SNX6: variants seen among roughly 807,000 people sequenced by gnomAD.
SNX6 encodes sorting nexin-6.
Under a neutral mutation model 63.0 loss-of-function variants are expected in SNX6, and 34 were observed. The ratio of observed to expected loss-of-function variants is 0.54; its 90% confidence interval spans 0.41 to 0.72. SNX6 has a LOEUF of 0.72. Ranked by LOEUF, SNX6 falls within the 30% of genes least tolerant of loss-of-function variation. The pLI is 0.00. For missense variants in SNX6, 398 were observed against 471.4 expected (o/e 0.84, Z 1.44); for synonymous variants, 170 against 164.2 (o/e 1.04, Z -0.27).
intron 6 of SNX6, 36 bp from the exon 7 acceptor site, chr14:34,597,681 A>G (rs1440209489): frequency 1.4e-5 from 17 of 1,256,212 alleles, no homozygotes; most frequent in Middle Eastern, 1.9e-4. Flanking sequence ...TTAAGGTTAC[A>G]AATGGAAAGC....
intron 6 of SNX6, among the ~76,000 whole-genome samples, chr14:34,597,935 G>A (rs1882665786): frequency 6.6e-6 from 1 of 152,142 alleles, no homozygotes; most frequent in Non-Finnish European, 1.5e-5. Flanking sequence ...GTTGCAAGCA[G>A]CCCTCTCACC....
At chr14:34,579,442 C>G (rs1367192175) in intron 10 of SNX6, among the ~76,000 whole-genome samples, 1 of 151,872 alleles carries the variant, frequency 6.6e-6, no homozygotes, top group Admixed American at 6.6e-5. Context: ...TGTAGTGAGA[C>G]TCCCTCTCTA....
chr14:34,567,913 T>G lies in SNX6; in HGVS notation c.1022A>C (p.Glu341Ala), dbSNP rs1475950226. 6.2e-7 allele frequency: 1 copy of G among 1,613,974 alleles called. No homozygotes were observed. Among genetic ancestry groups the G allele is most frequent in the South Asian group, 1.1e-5 (1 of 91,072 alleles). Residue 341 changes from glutamate (E) to alanine (A), a missense_variant, in exon 12 of 14, where the codon GAA (glutamate) becomes GCA (alanine). Coordinates refer to ENST00000362031, the MANE Select transcript of SNX6 (RefSeq NM_152233.4). ...RAKNKDVLQA[E>A]TSQQLCCQKF... ...CTGACAACATAATTGTTGGGAAGTT[T>G]CGGCCTGTAGAACATCTTTATTTTT...
At position 34,563,558 on chromosome 14, in the gene SNX6, C is replaced by CAA. The variant is rs534547624; in HGVS notation, c.1168-385_1168-384dup. Among the ~76,000 whole-genome samples, 212 of 83,384 alleles carry CAA rather than the reference C, an allele frequency of 2.5e-3. 1 individual carries two copies. The highest frequency in any genetic ancestry group is 9.6e-3 in the African/African-American group (198 of 20,584). 54.7% of individuals were successfully genotyped at this position (83,384 alleles called of 152,430 possible). A position where few individuals can be genotyped will look rare whatever the true frequency, so the allele number is the denominator to read the frequency against. The stretch of plus-strand genomic sequence containing the variant: ...TGGGCGAAAGAGTGAGACTGCGTCT[C>CAA]AAAAAAAAAAAAATAAGAAAAAAAA... On this transcript the variant is annotated intron_variant, in intron 13 of 13. Transcript: ENST00000362031.
At chr14:34,593,729 G>A (rs1369395268) in intron 7 of SNX6, among the ~76,000 whole-genome samples, 3 of 128,344 alleles carry the variant, frequency 2.3e-5, no homozygotes, top group African/African-American at 5.7e-5. Context: ...GCGCCACCAC[G>A]CCCAGCTAAT....
chr14:34,580,014 A>C (rs1386209899), intron 10 of SNX6, among the ~76,000 whole-genome samples: 1 of 152,046 alleles, frequency 6.6e-6, no homozygotes, highest in East Asian at 1.9e-4. Context: ...GTGAAACCCC[A>C]TCTCTACTAA....
chr14:34,620,023 G>A (rs1054523998), intron 2 of SNX6, among the ~76,000 whole-genome samples: 7 of 151,982 alleles, frequency 4.6e-5, no homozygotes, highest in Non-Finnish European at 1.0e-4. Flanking sequence ...CAATATAATC[G>A]TCAACTTTTA....
chr14:34,597,489 A>T, intron 7 of SNX6, 61 bp downstream of exon 7: 1 of 984,006 alleles, frequency 1.0e-6, no homozygotes, highest in Non-Finnish European at 1.6e-6. Flanking sequence ...TGAAATCTCA[A>T]TCTATCTCCC....
intron 9 of SNX6, among the ~76,000 whole-genome samples, chr14:34,584,445 G>A (rs1012825134): frequency 3.3e-5 from 5 of 151,036 alleles, no homozygotes; most frequent in African/African-American, 1.2e-4. Context: ...GGGATTACAG[G>A]TGTACACCAC....
chr14:34,597,648 G>T lies in SNX6; in HGVS notation c.517-3C>A. 6.6e-7 allele frequency: 1 copy of T among 1,508,690 alleles called. No individual in the cohort carries two copies. The highest frequency in any genetic ancestry group is 9.0e-7 in the Non-Finnish European group (1 of 1,107,984). 93.5% of individuals were successfully genotyped at this position (1,508,690 alleles called of 1,614,324 possible). ...TTATTTTTTCCTCGCACACTCAACT[G>T]AAAGAAAGGTAATTTAACATTTTTA... On this transcript the variant is annotated splice_region_variant and splice_polypyrimidine_tract_variant and intron_variant, in intron 6 of 13. Transcript: ENST00000362031.
rs1881669731 is a variant in SNX6, at chr14:34,575,777, T to C, written c.900A>G (p.Leu300=). ...TTACCTTAGCAGCTTGAGATTCTCT[T>C]AAGTAATATTTTAAAAGATCAGAAA... The part of the protein sequence containing the change: ...LKLSDLLKYY[L]RESQAAKDLL... Residue 300 remains leucine (L), a synonymous_variant, in exon 11 of 14, where the codon TTA becomes TTG. Transcript: ENST00000362031. 1 of 1,588,686 alleles carries C rather than the reference T, an allele frequency of 6.3e-7. No homozygotes were observed. Among genetic ancestry groups the C allele is most frequent in the African/African-American group, 1.4e-5 (1 of 73,962 alleles).
chr14:34,588,164 C>T (rs995037520), intron 8 of SNX6, among the ~76,000 whole-genome samples: 4 of 151,582 alleles, frequency 2.6e-5, no homozygotes, highest in African/African-American at 4.8e-5. Flanking sequence ...CCCGCCACCA[C>T]GCCCAGCTAA....
chr14:34,580,308 A>G (rs981102081), intron 10 of SNX6, among the ~76,000 whole-genome samples: 1 of 152,028 alleles, frequency 6.6e-6, no homozygotes, highest in Admixed American at 6.6e-5. Flanking sequence ...TTTTCTATTC[A>G]TTTTCTTTCT....
chr14:34,620,114 C>T (rs1365760566), intron 2 of SNX6, among the ~76,000 whole-genome samples: 1 of 152,158 alleles, frequency 6.6e-6, no homozygotes, highest in Non-Finnish European at 1.5e-5. Flanking sequence ...CTCCAAATTG[C>T]ATATGCTCTT....
chr14:34,598,453 G>A (rs1426459235), intron 6 of SNX6, among the ~76,000 whole-genome samples: 1 of 152,134 alleles, frequency 6.6e-6, no homozygotes, highest in South Asian at 2.1e-4. Context: ...GTGCAGTGGC[G>A]TGATCTTGGC....
At chr14:34,608,458 T>C (rs755367176) in intron 3 of SNX6, among the ~76,000 whole-genome samples, 13 of 152,176 alleles carry the variant, frequency 8.5e-5, no homozygotes, top group African/African-American at 1.2e-4. Flanking sequence ...CCACTGTGTC[T>C]GGCCTTAAAA....
At chr14:34,575,430 C>T (rs1881653421) in intron 11 of SNX6, among the ~76,000 whole-genome samples, 2 of 152,022 alleles carry the variant, frequency 1.3e-5, no homozygotes, top group Non-Finnish European at 2.9e-5. Flanking sequence ...GAACTCCTGA[C>T]GTCAGGTGAT....
chr14:34,595,812 CT>C (rs200104658), intron 7 of SNX6, among the ~76,000 whole-genome samples: 6 of 151,982 alleles, frequency 3.9e-5, no homozygotes, highest in South Asian at 2.1e-4. Context: ...AAGCAGCATT[CT>C]TTTTTTTCCT....
chr14:34,590,869 C>T (rs1277591810), intron 8 of SNX6, among the ~76,000 whole-genome samples: 3 of 152,122 alleles, frequency 2.0e-5, no homozygotes, highest in African/African-American at 7.2e-5. Context: ...TATATCCATT[C>T]AATGGAACAC....
Sources: allele counts gnomAD v4.1 joint callset (sites outside exome capture counted in the v4.1 genomes callset), GRCh38; gene constraint gnomAD v4.1.1; transcripts MANE v1.5; gene names NCBI Gene and HGNC (gene_info 2026-07-23, HGNC 2026-07-21).